The following ATAD5 variants were observed in gnomAD, a reference collection of about 807,000 sequenced individuals.
ATAD5 encodes ATPase family AAA domain containing 5.
In ATAD5, 58 loss-of-function variants were observed where a neutral mutation model predicts 176.9. That is an observed-to-expected ratio of 0.33 (90% CI 0.27 to 0.41). The LOEUF (loss-of-function observed/expected upper bound fraction) is 0.41, where lower values mean the gene tolerates loss of function less well. Ranked by LOEUF, ATAD5 falls within the 10% of genes least tolerant of loss-of-function variation. The pLI, the probability that ATAD5 is intolerant of heterozygous loss-of-function variation, is 1.00. For missense variants in ATAD5, 1,789 were observed against 2,094.1 expected (o/e 0.85, Z 2.84); for synonymous variants, 640 against 712.6 (o/e 0.90, Z 1.62).
At chr17:30,871,866 G>A (rs987635426) in intron 14 of ATAD5, among the ~76,000 whole-genome samples, 2 of 151,758 alleles carry the variant, frequency 1.3e-5, no homozygotes, top group African/African-American at 2.4e-5. Context: ...ATAACTGTTC[G>A]TTAACTTTCT....
chr17:30,838,280 C>T (rs569968587), intron 3 of ATAD5, among the ~76,000 whole-genome samples: 7 of 152,208 alleles, frequency 4.6e-5, no homozygotes, highest in South Asian at 2.1e-4. Context: ...ATGTGTATTT[C>T]GAAAAAGCCA....
chr17:30,862,329 G>A (rs964946248), intron 10 of ATAD5, among the ~76,000 whole-genome samples: 9 of 148,612 alleles, frequency 6.1e-5, no homozygotes, highest in Non-Finnish European at 1.3e-4. Context: ...GCAAGACTCC[G>A]TCTAGGGGGC....
At position 30,860,479 on chromosome 17, in the gene ATAD5, A is replaced by G. The variant is rs9896095; in HGVS notation, c.3003A>G (p.Val1001=). 0.12 allele frequency: 191,905 copies of G among 1,598,524 alleles called. 13,045 individuals carry two copies. The highest frequency in any genetic ancestry group is 0.24 in the South Asian group (21,087 of 87,346). ...VSHKETKRKL[V]EAENSKSKRK... is the part of the protein sequence containing the mutation. ...ATAAAGAAACCAAAAGGAAACTCGT[A>G]GAAGCAGAAAATTCTAAGTCAAAAA... is the stretch of plus-strand genomic sequence containing the variant. Residue 1001 remains valine (V), a synonymous_variant, in exon 10 of 23, where the codon GTA becomes GTG. Coordinates refer to ENST00000321990, the MANE Select transcript of ATAD5 (RefSeq NM_024857.5).
chr17:30,868,169 T>C (rs899793884), intron 11 of ATAD5, among the ~76,000 whole-genome samples, 164 bp from the exon 12 acceptor site: 1 of 152,200 alleles, frequency 6.6e-6, no homozygotes, highest in Non-Finnish European at 1.5e-5. Flanking sequence ...ATATGCCATA[T>C]AAAGCTGTAC....
rs1443210174 is a variant in ATAD5, at chr17:30,863,430, G to T, written c.3137-2274G>T. On this transcript the variant is annotated intron_variant, in intron 10 of 22. Coordinates refer to ENST00000321990, the MANE Select transcript of ATAD5 (RefSeq NM_024857.5). Reference sequence around the variant, plus strand: ...TGCCCATGCTGGAGTGCAGTGGCGCGATCTCGGCTCACTGCAAGCTCCGCC... The same window carrying T: ...TGCCCATGCTGGAGTGCAGTGGCGCTATCTCGGCTCACTGCAAGCTCCGCC... Among the ~76,000 whole-genome samples the T allele has an allele frequency of 2.6e-5, 4 of 151,126 alleles. No individual in the cohort carries two copies. The East Asian group carries it at 7.8e-4, about 29-fold the overall frequency.
At chr17:30,839,106 A>G (rs2142311733) in intron 3 of ATAD5, among the ~76,000 whole-genome samples, 1 of 152,076 alleles carries the variant, frequency 6.6e-6, no homozygotes. Context: ...GCTGGTTGGT[A>G]TTCAGGCATG....
At chr17:30,838,950 A>AT (rs1271066248) in intron 3 of ATAD5, among the ~76,000 whole-genome samples, 2 of 151,986 alleles carry the variant, frequency 1.3e-5, no homozygotes, top group African/African-American at 4.8e-5. Flanking sequence ...AATCTTAGTA[A>AT]TTTTCTGGGT....
At chr17:30,852,466 A>T (rs763045262) in intron 6 of ATAD5, among the ~76,000 whole-genome samples, 14 of 152,154 alleles carry the variant, frequency 9.2e-5, no homozygotes, top group Non-Finnish European at 2.1e-4. Context: ...ATTGCTCCTG[A>T]TGTGGCAGTG....
chr17:30,869,533 G>C lies in ATAD5; in HGVS notation c.3494G>C (p.Arg1165Thr). The C allele has an allele frequency of 6.2e-7, 1 of 1,612,908 alleles. No homozygotes were observed. Among genetic ancestry groups the C allele is most frequent in the Non-Finnish European group, 8.5e-7 (1 of 1,179,804 alleles). ...AATGCCTCTTCCCAGCGCAGTGGTA[G>C]ACAAATTCTATCTCAGTTGAAGGAA... ...EVNASSQRSGRQILSQLKEAT... is the reference protein window; with the variant it reads ...EVNASSQRSGTQILSQLKEAT... The change falls in exon 14 of 23, where the codon AGA (arginine) becomes ACA (threonine). Residue 1165 changes from arginine to threonine, a missense_variant. Around this residue, in one of 6 missense-constraint regions of ATAD5, gnomAD observed 194 missense variants for 270.1 expected, o/e 0.72. Transcript: ENST00000321990.
chr17:30,846,993 A>T (rs1906547879), intron 6 of ATAD5, among the ~76,000 whole-genome samples: 1 of 152,132 alleles, frequency 6.6e-6, no homozygotes, highest in Non-Finnish European at 1.5e-5. Flanking sequence ...TGCTGGGATT[A>T]CAGGTATGAG....
At chr17:30,852,493 G>A (rs1739089313) in intron 6 of ATAD5, among the ~76,000 whole-genome samples, 1 of 152,126 alleles carries the variant, frequency 6.6e-6, no homozygotes, top group Non-Finnish European at 1.5e-5. Flanking sequence ...GGCCTTTTCA[G>A]TAGATAAAGT....
At chr17:30,871,741 T>G (rs1303166308) in intron 14 of ATAD5, among the ~76,000 whole-genome samples, 1 of 152,194 alleles carries the variant, frequency 6.6e-6, no homozygotes, top group Non-Finnish European at 1.5e-5. Flanking sequence ...GGATGCCTGA[T>G]AATTCTGATT....
chr17:30,845,986 CT>C (rs1422256805), intron 6 of ATAD5, among the ~76,000 whole-genome samples: 1 of 152,134 alleles, frequency 6.6e-6, no homozygotes, highest in Non-Finnish European at 1.5e-5. Context: ...TTTAGATTAT[CT>C]TTTTTTCTGT....
At chr17:30,863,104 GA>G (rs1907739200) in intron 10 of ATAD5, 1 of 152,146 alleles carries the variant, frequency 6.6e-6, no homozygotes, top group Non-Finnish European at 1.5e-5. Context: ...AGGCTGATGT[GA>G]GAGGATCACT....
At chr17:30,872,540 TTTTTTTC>T (rs1360853947) in intron 14 of ATAD5, among the ~76,000 whole-genome samples, 1 of 97,872 alleles carries the variant, frequency 1.0e-5, no homozygotes, top group East Asian at 2.4e-4. Flanking sequence ...TTTTTCTTTT[TTTTTTTC>T]TTTTTTCTTT....
intron 14 of ATAD5, among the ~76,000 whole-genome samples, chr17:30,873,125 C>T (rs1908437954): frequency 6.6e-6 from 1 of 152,026 alleles, no homozygotes; most frequent in Non-Finnish European, 1.5e-5. Flanking sequence ...AGCAGAATCC[C>T]ATCTTATTTT....
At chr17:30,866,130 T>G (rs1907958224) in intron 11 of ATAD5, among the ~76,000 whole-genome samples, 1 of 151,828 alleles carries the variant, frequency 6.6e-6, no homozygotes, top group Admixed American at 6.6e-5. Context: ...AATGAAAGTT[T>G]ATTGACTTTA....
At position 30,892,518 on chromosome 17, in the gene ATAD5, A is replaced by C. The variant is rs987880156; in HGVS notation, c.4259-89A>C. 1.2e-5 allele frequency: 10 copies of C among 857,576 alleles called. No individual in the cohort carries two copies. The African/African-American group carries it at 1.8e-4, about 15-fold the overall frequency. The allele number at this position is 857,576 out of a possible 1,614,324, so 53.1% of individuals were successfully genotyped here. A position where few individuals can be genotyped will look rare whatever the true frequency, so the allele number is the denominator to read the frequency against. On this transcript the variant is annotated intron_variant, in intron 19 of 22. Transcript: ENST00000321990. Reference sequence around the variant, plus strand: ...AACTAAATGGGGGTATTTGTCCAGAAGATGTCAAAGGATCTCAGGCTTTAA... The same window carrying C: ...AACTAAATGGGGGTATTTGTCCAGACGATGTCAAAGGATCTCAGGCTTTAA...
chr17:30,836,318 A>G (rs1356340779), intron 2 of ATAD5, among the ~76,000 whole-genome samples: 1 of 151,834 alleles, frequency 6.6e-6, no homozygotes, highest in Non-Finnish European at 1.5e-5. Context: ...AGCTGGGACT[A>G]CAGGCACCCG....
Sources: gnomAD v4.1 joint callset for allele counts (sites outside exome capture counted in the v4.1 genomes callset) on GRCh38, gnomAD v4.1.1 for gene constraint, gnomAD v4.1.1 regional missense constraint, MANE v1.5 for transcripts, NCBI Gene and HGNC (gene_info 2026-07-23, HGNC 2026-07-21) for gene names.